LDB2: variants seen among roughly 807,000 people sequenced by gnomAD.
LDB2 encodes LIM domain binding 2.
LDB2 carries 12 observed loss-of-function variants against 44.3 expected under a neutral mutation model. The observed-to-expected ratio is 0.27, with a 90% CI of 0.17 to 0.44. LDB2 has a LOEUF of 0.44. LDB2 is among the 20% of genes least tolerant of loss of function. LDB2 has a pLI of 1.00. For missense variants in LDB2, 344 were observed against 473.5 expected (o/e 0.73, Z 2.54); for synonymous variants, 164 against 174.8 (o/e 0.94, Z 0.49).
At chr4:16,781,302 C>G (rs1773172819) in intron 1 of LDB2, among the ~76,000 whole-genome samples, 1 of 152,212 alleles carries the variant, frequency 6.6e-6, no homozygotes, top group Non-Finnish European at 1.5e-5. Flanking sequence ...GTTTCTTTAG[C>G]TGCTCTGTTG....
At chr4:16,846,967 G>T (rs1229510182) in intron 1 of LDB2, among the ~76,000 whole-genome samples, 1 of 152,142 alleles carries the variant, frequency 6.6e-6, no homozygotes, top group Non-Finnish European at 1.5e-5. Flanking sequence ...GCCTTGATGA[G>T]TTTTATACTG....
chr4:16,740,376 T>A (rs1377854118), intron 2 of LDB2, among the ~76,000 whole-genome samples: 1 of 152,238 alleles, frequency 6.6e-6, no homozygotes, highest in African/African-American at 2.4e-5. Context: ...CTTGGAGGTT[T>A]ATAGGTGTCT....
chr4:16,662,492 C>T (rs1741865508), intron 2 of LDB2, among the ~76,000 whole-genome samples: 1 of 152,114 alleles, frequency 6.6e-6, no homozygotes, highest in Non-Finnish European at 1.5e-5. Context: ...TCATAACAAA[C>T]AGTGAGGAAG....
intron 1 of LDB2, among the ~76,000 whole-genome samples, chr4:16,809,152 T>A (rs889168299): frequency 5.9e-5 from 9 of 152,128 alleles, no homozygotes; most frequent in African/African-American, 2.2e-4. Flanking sequence ...CCTGGGCCCC[T>A]GAATCATTAT....
intron 2 of LDB2, among the ~76,000 whole-genome samples, chr4:16,607,057 T>C (rs1017648185): frequency 2.0e-5 from 3 of 152,166 alleles, no homozygotes; most frequent in African/African-American, 7.2e-5. Flanking sequence ...TTCCTCAGGG[T>C]TGGATATTAT....
At chr4:16,801,293 A>C (rs1001192360) in intron 1 of LDB2, among the ~76,000 whole-genome samples, 3 of 152,200 alleles carry the variant, frequency 2.0e-5, no homozygotes, top group African/African-American at 7.2e-5. Context: ...AATTGTCTGT[A>C]GACATTAGAC....
chr4:16,670,282 G>C (rs1744380010), intron 2 of LDB2, among the ~76,000 whole-genome samples: 1 of 152,120 alleles, frequency 6.6e-6, no homozygotes, highest in Non-Finnish European at 1.5e-5. Flanking sequence ...TAGATATTTG[G>C]TACCTACCTT....
At chr4:16,523,283 A>T (rs1012277689) in intron 5 of LDB2, among the ~76,000 whole-genome samples, 1 of 152,204 alleles carries the variant, frequency 6.6e-6, no homozygotes. Flanking sequence ...CCTATAATAA[A>T]GTTTAAGGTA....
intron 5 of LDB2, among the ~76,000 whole-genome samples, chr4:16,540,459 A>G (rs770306410): frequency 6.6e-6 from 1 of 152,178 alleles, no homozygotes; most frequent in Non-Finnish European, 1.5e-5. Flanking sequence ...CCTAACTACT[A>G]TAGTTCTCAA....
intron 5 of LDB2, among the ~76,000 whole-genome samples, chr4:16,514,168 A>T (rs1722813636): frequency 6.6e-6 from 1 of 152,238 alleles, no homozygotes; most frequent in African/African-American, 2.4e-5. Flanking sequence ...GCCTAAACAT[A>T]AAAATGAATC....
intron 2 of LDB2, among the ~76,000 whole-genome samples, chr4:16,643,789 A>G (rs1735885359): frequency 6.6e-6 from 1 of 152,176 alleles, no homozygotes; most frequent in South Asian, 2.1e-4. Flanking sequence ...CAGTAATTAA[A>G]TGCATCTCAC....
chr4:16,626,197 C>T (rs925579839), intron 2 of LDB2, among the ~76,000 whole-genome samples: 3 of 152,204 alleles, frequency 2.0e-5, no homozygotes, highest in African/African-American at 7.2e-5. Flanking sequence ...CTGGCTAGTA[C>T]ATCTAATGTT....
At chr4:16,570,279 C>T (rs766854676) in intron 5 of LDB2, among the ~76,000 whole-genome samples, 3 of 151,098 alleles carry the variant, frequency 2.0e-5, no homozygotes, top group African/African-American at 4.9e-5. Context: ...CTGGCTAACA[C>T]GGTGAAACCC....
At chr4:16,538,255 C>A (rs973163941) in intron 5 of LDB2, among the ~76,000 whole-genome samples, 1 of 152,154 alleles carries the variant, frequency 6.6e-6, no homozygotes, top group African/African-American at 2.4e-5. Context: ...TTCCTCCTGG[C>A]ATTAAGAATC....
chr4:16,765,600 T>C (rs1769029309), intron 1 of LDB2, among the ~76,000 whole-genome samples: 1 of 152,252 alleles, frequency 6.6e-6, no homozygotes, highest in Non-Finnish European at 1.5e-5. Context: ...CTCAGCAGGA[T>C]TCTCCTATAA....
chr4:16,793,015 C>T (rs1776072812), intron 1 of LDB2, among the ~76,000 whole-genome samples: 3 of 152,104 alleles, frequency 2.0e-5, no homozygotes, highest in Non-Finnish European at 4.4e-5. Flanking sequence ...GAAATGGACC[C>T]CCTTGGTTGG....
chr4:16,883,806 G>A (rs967214081), intron 1 of LDB2, among the ~76,000 whole-genome samples: 12 of 152,118 alleles, frequency 7.9e-5, no homozygotes, highest in South Asian at 2.1e-4. Flanking sequence ...GCCCCAGGCC[G>A]CTAAACGATT....
At chr4:16,818,088 C>T (rs969577680) in intron 1 of LDB2, among the ~76,000 whole-genome samples, 2 of 152,042 alleles carry the variant, frequency 1.3e-5, no homozygotes, top group Non-Finnish European at 2.9e-5. Flanking sequence ...GCTGGGCTGA[C>T]CTAGACAGTC....
chr4:16,797,260 G>A (rs1260376729), intron 1 of LDB2, among the ~76,000 whole-genome samples: 1 of 152,138 alleles, frequency 6.6e-6, no homozygotes, highest in Admixed American at 6.5e-5. Flanking sequence ...GCAGGTGTAA[G>A]TAAACCCATG....
Sources: allele counts gnomAD v4.1 joint callset (sites outside exome capture counted in the v4.1 genomes callset), GRCh38; gene constraint gnomAD v4.1.1; transcripts MANE v1.5; gene names NCBI Gene and HGNC (gene_info 2026-07-23, HGNC 2026-07-21).